The following CELF4 variants were observed in gnomAD, a reference collection of about 807,000 sequenced individuals.
The protein encoded by CELF4 is CUGBP Elav-like family member 4.
In CELF4, 18 loss-of-function variants were observed where a neutral mutation model predicts 59.9. That is an observed-to-expected ratio of 0.30 (90% confidence interval 0.21 to 0.45). The LOEUF (loss-of-function observed/expected upper bound fraction) is 0.45. Ranked by LOEUF, CELF4 falls within the 20% of genes least tolerant of loss-of-function variation. The probability of loss-of-function intolerance (pLI) is 1.00; values close to 1 mark genes in which losing one functional copy is unlikely to be tolerated. For missense variants in CELF4, 456 were observed against 689.0 expected (o/e 0.66, Z 3.79); for synonymous variants, 261 against 267.1 (o/e 0.98, Z 0.22).
chr18:37,488,547 C>T (rs866558822), intron 1 of CELF4, among the ~76,000 whole-genome samples: 16 of 152,112 alleles, frequency 1.1e-4, no homozygotes, highest in Non-Finnish European at 2.1e-4. Flanking sequence ...GGTGGCAGGG[C>T]CAGAGGTTGC....
intron 2 of CELF4, among the ~76,000 whole-genome samples, chr18:37,334,572 G>T (rs1243762736): frequency 6.6e-6 from 1 of 152,124 alleles, no homozygotes; most frequent in Non-Finnish European, 1.5e-5. Flanking sequence ...ACCCTTGTCT[G>T]TGTTATCCAG....
intron 1 of CELF4, among the ~76,000 whole-genome samples, chr18:37,554,631 G>C (rs2099984241): frequency 6.6e-6 from 1 of 152,128 alleles, no homozygotes; most frequent in South Asian, 2.1e-4. Flanking sequence ...GACGACTCTG[G>C]AAACAGAGAA....
chr18:37,398,389 T>C (rs905917478), intron 2 of CELF4, among the ~76,000 whole-genome samples: 5 of 152,164 alleles, frequency 3.3e-5, no homozygotes, highest in Non-Finnish European at 7.4e-5. Context: ...AGAAGGAATC[T>C]CCCTTCGTGG....
intron 2 of CELF4, among the ~76,000 whole-genome samples, chr18:37,363,880 GC>G (rs1317360735): frequency 6.6e-6 from 1 of 152,086 alleles, no homozygotes; most frequent in Non-Finnish European, 1.5e-5. Context: ...GTACTCTCTG[GC>G]CTCCTCTGCC....
At chr18:37,418,424 C>T (rs1294083705) in intron 2 of CELF4, among the ~76,000 whole-genome samples, 2 of 152,222 alleles carry the variant, frequency 1.3e-5, no homozygotes, top group South Asian at 2.1e-4. Flanking sequence ...ACCTGCCCCC[C>T]ACTGAGCCTC....
chr18:37,286,756 C>T (rs1034969253), intron 3 of CELF4, among the ~76,000 whole-genome samples: 2 of 152,178 alleles, frequency 1.3e-5, no homozygotes, highest in South Asian at 2.1e-4. Context: ...GCAGCCACCA[C>T]GCCCATTCCC....
chr18:37,461,611 T>C (rs1325610107), intron 2 of CELF4, among the ~76,000 whole-genome samples: 2 of 152,118 alleles, frequency 1.3e-5, no homozygotes, highest in African/African-American at 4.8e-5. Context: ...CCTAACCATA[T>C]CAGATGGAGT....
intron 1 of CELF4, among the ~76,000 whole-genome samples, chr18:37,552,350 G>A (rs2099983474): frequency 6.6e-6 from 1 of 152,206 alleles, no homozygotes; most frequent in South Asian, 2.1e-4. Flanking sequence ...TCCTGCAGGG[G>A]GCCATGGTAT....
At chr18:37,483,236 A>G (rs1354104155) in intron 2 of CELF4, among the ~76,000 whole-genome samples, 2 of 152,248 alleles carry the variant, frequency 1.3e-5, no homozygotes, top group Non-Finnish European at 2.9e-5. Context: ...TGGAATCAAA[A>G]CAACTCTACT....
chr18:37,507,361 C>T (rs1480222185), intron 1 of CELF4, among the ~76,000 whole-genome samples: 1 of 152,140 alleles, frequency 6.6e-6, no homozygotes, highest in Admixed American at 6.5e-5. Flanking sequence ...GAAATCTCAC[C>T]TCTCTCTGTG....
At chr18:37,300,294 A>G (rs111414298) in intron 3 of CELF4, among the ~76,000 whole-genome samples, 31,104 of 150,792 alleles carry the variant, frequency 0.21, 5,274 homozygotes, top group African/African-American at 0.47. Flanking sequence ...GCATGGTCTC[A>G]GCTCACTGCA....
intron 1 of CELF4, among the ~76,000 whole-genome samples, chr18:37,510,462 C>CTCTAGGCTT (rs1408289973): frequency 1.3e-5 from 2 of 152,210 alleles, no homozygotes; most frequent in Non-Finnish European, 2.9e-5. Context: ...CCTTAGTGAC[C>CTCTAGGCTT]CCAGCAGGCT....
At chr18:37,333,013 C>T (rs1397068442) in intron 2 of CELF4, among the ~76,000 whole-genome samples, 1 of 152,204 alleles carries the variant, frequency 6.6e-6, no homozygotes, top group Non-Finnish European at 1.5e-5. Context: ...CCGGCATGGT[C>T]GGCTGGGTCG....
intron 10 of CELF4, among the ~76,000 whole-genome samples, chr18:37,262,406 G>A (rs866709430): frequency 6.7e-6 from 1 of 149,988 alleles, no homozygotes; most frequent in East Asian, 2.0e-4. Context: ...GGGTGGGGGA[G>A]GGGGGGGCAG....
chr18:37,397,931 CAT>C (rs1288011373), intron 2 of CELF4, among the ~76,000 whole-genome samples: 1 of 152,170 alleles, frequency 6.6e-6, no homozygotes, highest in Non-Finnish European at 1.5e-5. Context: ...AACACAAGGT[CAT>C]CTCTGCTCTT....
chr18:37,351,566 AAC>A (rs758271043), intron 2 of CELF4, among the ~76,000 whole-genome samples: 9 of 152,024 alleles, frequency 5.9e-5, no homozygotes, highest in African/African-American at 2.2e-4. Flanking sequence ...AGTGTCCAGA[AAC>A]ACAGTTTTCA....
intron 2 of CELF4, among the ~76,000 whole-genome samples, chr18:37,474,506 C>A (rs1202302039): frequency 6.6e-6 from 1 of 152,188 alleles, no homozygotes; most frequent in Non-Finnish European, 1.5e-5. Context: ...AGGGTTAGTG[C>A]CCTAGGATGA....
chr18:37,391,060 G>T (rs116218405), intron 2 of CELF4, among the ~76,000 whole-genome samples: 1 of 152,116 alleles, frequency 6.6e-6, no homozygotes, highest in African/African-American at 2.4e-5. Context: ...GTCTGGTCTC[G>T]TTTGGCCGGC....
intron 2 of CELF4, among the ~76,000 whole-genome samples, chr18:37,446,676 C>G (rs916053670): frequency 6.6e-6 from 1 of 152,112 alleles, no homozygotes; most frequent in African/African-American, 2.4e-5. Flanking sequence ...ATCATTTATT[C>G]TTTGGTTCCC....
Sources: allele counts gnomAD v4.1 joint callset (sites outside exome capture counted in the v4.1 genomes callset), GRCh38; gene constraint gnomAD v4.1.1; transcripts MANE v1.5; gene names NCBI Gene and HGNC (gene_info 2026-07-23, HGNC 2026-07-21).